Variants in KIAA0825 observed in about 807,000 individuals in gnomAD.
KIAA0825 encodes KIAA0825.
Under a neutral mutation model 147.6 loss-of-function variants are expected in KIAA0825, and 119 were observed. That is an observed-to-expected ratio of 0.81 (90% CI 0.69 to 0.94). The LOEUF (loss-of-function observed/expected upper bound fraction) is 0.94. Ranked by LOEUF, KIAA0825 falls within the 40% of genes least tolerant of loss-of-function variation. The pLI is 0.00. For missense variants in KIAA0825, 1,381 were observed against 1,472.7 expected, an observed-to-expected ratio of 0.94 and a Z score of 1.02; for synonymous variants, 470 against 518.1, an observed-to-expected ratio of 0.91 and a Z score of 1.26.
intron 20 of KIAA0825, among the ~76,000 whole-genome samples, chr5:94,265,345 A>G (rs1376940970): frequency 6.6e-6 from 1 of 152,178 alleles, no homozygotes; most frequent in Non-Finnish European, 1.5e-5. Context: ...TACAAAATCA[A>G]AGCAATTTTT....
chr5:94,260,382 G>A (rs1357050802), intron 20 of KIAA0825, among the ~76,000 whole-genome samples: 3 of 152,074 alleles, frequency 2.0e-5, no homozygotes, highest in Non-Finnish European at 4.4e-5. Flanking sequence ...AGTGCAAAAA[G>A]GAGAAAAGAA....
chr5:94,471,731 A>C lies in KIAA0825; in HGVS notation c.1456T>G (p.Phe486Val), dbSNP rs764842913. ...AGTTTTTCCATGATGTCAGAACAAA[A>C]CTAGGGAGAAATAAATGTGGCACTG... ...EEEQPKKIGK[F>V]CSDIMEKLDT... is the part of the protein sequence containing the mutation. The change falls in exon 9 of 21, where the codon TTT (phenylalanine) becomes GTT (valine). Residue 486 changes from phenylalanine (F) to valine (V), a missense_variant and splice_region_variant. Physicochemically the swap from Phe to Val is conservative, Grantham distance 50. Transcript: ENST00000682413. The C allele has an allele frequency of 1.0e-4, 158 of 1,551,972 alleles. No individual in the cohort carries two copies. Among genetic ancestry groups the C allele is most frequent in the Non-Finnish European group, 1.3e-4 (153 of 1,146,992 alleles).
intron 13 of KIAA0825, among the ~76,000 whole-genome samples, chr5:94,442,520 G>A (rs1052415096): frequency 2.0e-5 from 3 of 152,072 alleles, no homozygotes; most frequent in Non-Finnish European, 4.4e-5. Flanking sequence ...TCTGGCTTTT[G>A]CAGTAGTTCC....
intron 20 of KIAA0825, among the ~76,000 whole-genome samples, chr5:94,329,982 A>G (rs1781101038): frequency 6.6e-6 from 1 of 151,788 alleles, no homozygotes; most frequent in South Asian, 2.1e-4. Flanking sequence ...GTACAAACAT[A>G]CAGTAAGATG....
chr5:94,507,880 T>C (rs994055545), intron 5 of KIAA0825, among the ~76,000 whole-genome samples: 2 of 152,194 alleles, frequency 1.3e-5, no homozygotes, highest in African/African-American at 4.8e-5. Context: ...AAGTAGAACA[T>C]GAAGAGATGC....
At chr5:94,389,305 C>T (rs1584346226) in intron 18 of KIAA0825, among the ~76,000 whole-genome samples, 1 of 152,168 alleles carries the variant, frequency 6.6e-6, no homozygotes, top group Non-Finnish European at 1.5e-5. Context: ...GTTTTCCTGC[C>T]CAGCCCACTA....
At chr5:94,301,340 G>A (rs955738170) in intron 20 of KIAA0825, among the ~76,000 whole-genome samples, 4 of 151,640 alleles carry the variant, frequency 2.6e-5, no homozygotes, top group African/African-American at 9.7e-5. Flanking sequence ...TAGTTGGAAA[G>A]TAATGAGTGT....
At chr5:94,234,398 TA>T (rs1039697260) in intron 20 of KIAA0825, among the ~76,000 whole-genome samples, 1 of 149,968 alleles carries the variant, frequency 6.7e-6, no homozygotes, top group African/African-American at 2.5e-5. Flanking sequence ...AAAATAAAAA[TA>T]AAAAAATAAA....
intron 20 of KIAA0825, among the ~76,000 whole-genome samples, chr5:94,279,856 G>A (rs1446758525): frequency 6.6e-6 from 1 of 152,038 alleles, no homozygotes; most frequent in African/African-American, 2.4e-5. Flanking sequence ...CTAAGGAAAA[G>A]CACCTAATAT....
intron 5 of KIAA0825, among the ~76,000 whole-genome samples, chr5:94,494,254 T>C (rs1015385537): frequency 6.6e-6 from 1 of 151,668 alleles, no homozygotes; most frequent in African/African-American, 2.4e-5. Flanking sequence ...TAGCAAGAAA[T>C]CTGACTTCTT....
intron 20 of KIAA0825, among the ~76,000 whole-genome samples, chr5:94,368,384 G>A (rs1042614828): frequency 7.9e-5 from 12 of 152,082 alleles, no homozygotes; most frequent in Non-Finnish European, 1.3e-4. Flanking sequence ...TGTTGCCCAG[G>A]CTAGTCTCGA....
intron 2 of KIAA0825, among the ~76,000 whole-genome samples, chr5:94,580,880 A>AC: frequency 6.1e-5 from 1 of 16,290 alleles, no homozygotes; most frequent in Non-Finnish European, 1.1e-4. Flanking sequence ...CGTCTCAAAA[A>AC]AAAAAAAAAA....
intron 17 of KIAA0825, among the ~76,000 whole-genome samples, chr5:94,393,494 T>C (rs925082414): frequency 3.9e-5 from 6 of 152,212 alleles, no homozygotes; most frequent in African/African-American, 1.2e-4. Flanking sequence ...CCTTTTCCAC[T>C]GCAGTTATTT....
At chr5:94,195,801 T>C (rs190983097) in intron 20 of KIAA0825, among the ~76,000 whole-genome samples, 2 of 152,326 alleles carry the variant, frequency 1.3e-5, no homozygotes, top group East Asian at 3.9e-4. Flanking sequence ...GATTCTTAGC[T>C]CTTTTCTTCA....
At chr5:94,594,772 T>A in intron 1 of KIAA0825, 1 of 597,438 alleles carries the variant, frequency 1.7e-6, no homozygotes, top group Non-Finnish European at 3.2e-6. Context: ...GAACATGCAT[T>A]TAGAGAAGTC....
At chr5:94,497,958 A>C (rs567204078) in intron 5 of KIAA0825, among the ~76,000 whole-genome samples, 3 of 152,254 alleles carry the variant, frequency 2.0e-5, no homozygotes, top group Non-Finnish European at 2.9e-5. Context: ...GCTTCACCTC[A>C]GCATAAACTC....
intron 2 of KIAA0825, among the ~76,000 whole-genome samples, chr5:94,546,209 C>T (rs1395760732): frequency 6.6e-6 from 1 of 152,190 alleles, no homozygotes; most frequent in East Asian, 1.9e-4. Flanking sequence ...TAGAACAGAA[C>T]ACCAGATAGA....
At chr5:94,160,186 C>T (rs1285014116) in intron 20 of KIAA0825, among the ~76,000 whole-genome samples, 1 of 152,086 alleles carries the variant, frequency 6.6e-6, no homozygotes, top group African/African-American at 2.4e-5. Context: ...AGACCATCTT[C>T]TCTTCTCCCT....
At chr5:94,261,554 C>A (rs946405699) in intron 20 of KIAA0825, among the ~76,000 whole-genome samples, 7 of 152,186 alleles carry the variant, frequency 4.6e-5, no homozygotes, top group South Asian at 2.1e-4. Context: ...AAAACAAGAA[C>A]AAACTGATAA....
Sources: allele counts gnomAD v4.1 joint callset (sites outside exome capture counted in the v4.1 genomes callset), GRCh38; gene constraint gnomAD v4.1.1; transcripts MANE v1.5; gene names NCBI Gene and HGNC (gene_info 2026-07-23, HGNC 2026-07-21).